Variants in ZFAND6 observed in about 807,000 individuals in gnomAD.
The protein encoded by ZFAND6 is zinc finger AN1-type containing 6.
In ZFAND6, 12 loss-of-function variants were observed where a neutral mutation model predicts 24.5. The ratio of observed to expected loss-of-function variants is 0.49; its 90% CI spans 0.31 to 0.79. The LOEUF (loss-of-function observed/expected upper bound fraction) is 0.79. Among genes scored for constraint, ZFAND6 ranks in the 30% least tolerant of loss-of-function variants. The pLI is 0.04. For synonymous variants in ZFAND6, 92 were observed against 81.5 expected (o/e 1.13, Z -0.69); for missense variants, 207 against 245.9 (o/e 0.84, Z 1.06).
chr15:80,078,152 G>A lies in ZFAND6; in HGVS notation c.-181+18343G>A, dbSNP rs1460998592. ...TGTGGTTTGATGTACAAACAATCCC[G>A]TCACTCAGTGACCATAGTACCTGAT... On this transcript the variant is annotated intron_variant, in intron 1 of 6. Coordinates refer to ENST00000261749, the MANE Select transcript of ZFAND6 (RefSeq NM_019006.4). Among the ~76,000 whole-genome samples the A allele has an allele frequency of 2.0e-5, 3 of 152,232 alleles. No individual in the cohort carries two copies. In the East Asian group the frequency reaches 5.8e-4, roughly 29 times the overall value.
Position 80,076,769 on chromosome 15 carries a change from G to C in ZFAND6, c.-181+16960G>C, listed in dbSNP as rs540809781. 6.6e-5 allele frequency among the ~76,000 whole-genome samples: 10 copies of C among 152,228 alleles called. No homozygotes were observed. In the South Asian group the frequency reaches 1.9e-3, roughly 28 times the overall value. ...TACACACTGAGCTGTGTGCTTTCCT[G>C]AGCTTACTTCTCTATTCCTTTTTTC... On this transcript the variant is annotated intron_variant, in intron 1 of 6. Coordinates refer to ENST00000261749, the MANE Select transcript of ZFAND6 (RefSeq NM_019006.4).
intron 1 of ZFAND6, among the ~76,000 whole-genome samples, chr15:80,066,430 A>T (rs2036640157): frequency 6.6e-6 from 1 of 151,722 alleles, no homozygotes; most frequent in Non-Finnish European, 1.5e-5. Flanking sequence ...CTCCTGCCTC[A>T]GCCTCCTGAG....
intron 1 of ZFAND6, chr15:80,073,191 A>T (rs2037073959): frequency 5.3e-6 from 1 of 188,546 alleles, no homozygotes; most frequent in African/African-American, 2.4e-5. Flanking sequence ...TATGCTCATA[A>T]TTAAAAAGGC....
chr15:80,112,402 TC>T (rs2039654160), intron 2 of ZFAND6, among the ~76,000 whole-genome samples: 1 of 152,130 alleles, frequency 6.6e-6, no homozygotes, highest in South Asian at 2.1e-4. Flanking sequence ...TTATGAGCAT[TC>T]CTGGATTTTT....
At position 80,088,893 on chromosome 15, in the gene ZFAND6, G is replaced by A. The variant is rs185722636; in HGVS notation, c.-180-9523G>A. On this transcript the variant is annotated intron_variant, in intron 1 of 6. Coordinates refer to ENST00000261749, the MANE Select transcript of ZFAND6 (RefSeq NM_019006.4). ...TGGTGGCTACTTAATATATTGGGTA[G>A]CACCTTTCTAGATTCCCTTCTTTCC... Among the ~76,000 whole-genome samples the A allele has an allele frequency of 1.6e-4, 24 of 152,174 alleles. No homozygotes were observed. In the Middle Eastern group the frequency reaches 0.01, roughly 65 times the overall value.
intron 1 of ZFAND6, among the ~76,000 whole-genome samples, chr15:80,068,379 A>G (rs1220000925): frequency 1.4e-5 from 2 of 146,222 alleles, no homozygotes; most frequent in Non-Finnish European, 3.0e-5. Context: ...CTGGTCTTGA[A>G]CTTTTTTTTT....
intron 1 of ZFAND6, among the ~76,000 whole-genome samples, chr15:80,082,336 A>G (rs147308419): frequency 2.3e-3 from 351 of 152,366 alleles, no homozygotes; most frequent in Non-Finnish European, 3.9e-3. Flanking sequence ...TATTTCGCAG[A>G]TGATAATGCT....
intron 1 of ZFAND6, among the ~76,000 whole-genome samples, chr15:80,090,673 C>T (rs1445680495): frequency 6.6e-6 from 1 of 152,130 alleles, no homozygotes; most frequent in Non-Finnish European, 1.5e-5. Flanking sequence ...TTAGCAAAAA[C>T]AACCCTGGAG....
chr15:80,062,184 C>G, intron 1 of ZFAND6, among the ~76,000 whole-genome samples: 1 of 152,170 alleles, frequency 6.6e-6, no homozygotes, highest in East Asian at 1.9e-4. Flanking sequence ...TCTCTTGTGC[C>G]TTAGCATACT....
At chr15:80,085,815 T>C (rs918284552) in intron 1 of ZFAND6, among the ~76,000 whole-genome samples, 9 of 152,322 alleles carry the variant, frequency 5.9e-5, no homozygotes, top group Admixed American at 5.2e-4. Context: ...AATGACATGT[T>C]GGTCAGTGAT....
chr15:80,105,087 C>T (rs191060392), intron 2 of ZFAND6, among the ~76,000 whole-genome samples: 2 of 152,186 alleles, frequency 1.3e-5, no homozygotes, highest in Non-Finnish European at 2.9e-5. Flanking sequence ...ATTCTAAGAT[C>T]ATTTCCCACT....
intron 4 of ZFAND6, among the ~76,000 whole-genome samples, chr15:80,122,464 C>T (rs767722468): frequency 6.6e-6 from 1 of 152,082 alleles, no homozygotes; most frequent in Non-Finnish European, 1.5e-5. Flanking sequence ...TCATGTGGTA[C>T]TTGAAATACA....
intron 1 of ZFAND6, among the ~76,000 whole-genome samples, chr15:80,088,553 C>T (rs932097769): frequency 6.6e-6 from 1 of 152,034 alleles, no homozygotes; most frequent in Non-Finnish European, 1.5e-5. Flanking sequence ...GCGATAAGAG[C>T]GAAACTCTGT....
intron 2 of ZFAND6, among the ~76,000 whole-genome samples, chr15:80,116,123 C>A (rs780354702): frequency 4.6e-5 from 7 of 151,218 alleles, no homozygotes; most frequent in African/African-American, 1.7e-4. Flanking sequence ...TTAAGTGGCC[C>A]CCACCTCCAG....
At chr15:80,078,212 C>G (rs1317222484) in intron 1 of ZFAND6, among the ~76,000 whole-genome samples, 1 of 152,162 alleles carries the variant, frequency 6.6e-6, no homozygotes, top group East Asian at 1.9e-4. Context: ...CGCCTCTCCC[C>G]AGCCCTTTCC....
chr15:80,106,211 A>G (rs2039316424), intron 2 of ZFAND6, among the ~76,000 whole-genome samples: 1 of 152,216 alleles, frequency 6.6e-6, no homozygotes, highest in Non-Finnish European at 1.5e-5. Context: ...GTCTTTCCTG[A>G]TAATATCTCT....
chr15:80,063,558 A>C (rs1044783586), intron 1 of ZFAND6, among the ~76,000 whole-genome samples: 1 of 139,626 alleles, frequency 7.2e-6, no homozygotes, highest in African/African-American at 2.6e-5. Context: ...CGCCCAGCTA[A>C]TTTTTTTTTT....
chr15:80,122,687 T>C lies in ZFAND6; in HGVS notation c.264-13T>C. On this transcript the variant is annotated splice_polypyrimidine_tract_variant and intron_variant, in intron 4 of 6. Transcript: ENST00000261749. ...GAGATCACCTTTTAAAATGAAATAT[T>C]TTGCTTTTCTAGCCCTGTATCAAAT... 1 of 1,562,056 alleles carries C rather than the reference T, an allele frequency of 6.4e-7. No homozygotes were observed. Among genetic ancestry groups the C allele is most frequent in the East Asian group, 2.2e-5 (1 of 44,478 alleles).
intron 4 of ZFAND6, 149 bp downstream of exon 4, chr15:80,121,969 G>A (rs1383302332): frequency 1.5e-6 from 1 of 653,020 alleles, no homozygotes; most frequent in African/African-American, 1.9e-5. Context: ...GTTAGAAAAA[G>A]CGATTTCTTG....
Sources: allele counts gnomAD v4.1 joint callset (sites outside exome capture counted in the v4.1 genomes callset), GRCh38; gene constraint gnomAD v4.1.1; transcripts MANE v1.5; gene names NCBI Gene and HGNC (gene_info 2026-07-23, HGNC 2026-07-21).